The following TTC28 variants were observed in gnomAD, a reference collection of about 807,000 sequenced individuals.
TTC28 encodes tetratricopeptide repeat domain 28.
In TTC28, 61 loss-of-function variants were observed where a neutral mutation model predicts 198.0. The observed-to-expected ratio is 0.31, with a 90% CI of 0.25 to 0.38. The LOEUF (loss-of-function observed/expected upper bound fraction) is 0.38. Among genes scored for constraint, TTC28 ranks in the 10% least tolerant of loss-of-function variants. TTC28 has a pLI of 1.00. For missense variants in TTC28, 2,678 were observed against 3,164.0 expected, an observed-to-expected ratio of 0.85 and a Z score of 3.69; for synonymous variants, 1,171 against 1,297.8, an observed-to-expected ratio of 0.90 and a Z score of 2.10.
intron 12 of TTC28, among the ~76,000 whole-genome samples, chr22:28,037,674 C>T (rs1368875729): frequency 6.6e-6 from 1 of 152,128 alleles, no homozygotes; most frequent in African/African-American, 2.4e-5. Context: ...CCAGGGCAAT[C>T]AGGCAGGAGA....
intron 13 of TTC28, among the ~76,000 whole-genome samples, chr22:28,026,027 G>A (rs563976989): frequency 1.2e-4 from 19 of 152,230 alleles, no homozygotes; most frequent in East Asian, 7.7e-4. Context: ...TTTCTTCCCC[G>A]CACCTTTAGG....
intron 12 of TTC28, among the ~76,000 whole-genome samples, chr22:28,092,291 G>GC (rs1280231455): frequency 6.6e-6 from 1 of 152,108 alleles, no homozygotes; most frequent in Non-Finnish European, 1.5e-5. Context: ...TTCAGAGCTT[G>GC]CCCTCAGTTC....
chr22:28,137,841 C>G (rs930270355), intron 6 of TTC28, among the ~76,000 whole-genome samples: 3 of 151,958 alleles, frequency 2.0e-5, no homozygotes, highest in African/African-American at 7.3e-5. Flanking sequence ...ATGGGGAAAC[C>G]CTGTCTCTAC....
At chr22:28,408,457 C>A (rs947299285) in intron 2 of TTC28, among the ~76,000 whole-genome samples, 3 of 151,900 alleles carry the variant, frequency 2.0e-5, no homozygotes, top group African/African-American at 7.3e-5. Context: ...GTGGCGTGAT[C>A]TTGGCTCACT....
intron 5 of TTC28, among the ~76,000 whole-genome samples, chr22:28,169,236 T>C (rs1287363100): frequency 6.6e-6 from 1 of 152,206 alleles, no homozygotes; most frequent in Non-Finnish European, 1.5e-5. Flanking sequence ...GACTGTAAAC[T>C]AGTTCAACCA....
chr22:28,285,917 C>T (rs2044675984), intron 5 of TTC28, among the ~76,000 whole-genome samples: 1 of 152,072 alleles, frequency 6.6e-6, no homozygotes, highest in African/African-American at 2.4e-5. Flanking sequence ...GGATGAATGG[C>T]ACACCCATAA....
intron 2 of TTC28, among the ~76,000 whole-genome samples, chr22:28,612,006 G>GC (rs1188430521): frequency 6.6e-6 from 1 of 152,040 alleles, no homozygotes; most frequent in East Asian, 1.9e-4. Flanking sequence ...TGGGCTAAAT[G>GC]CCCCATTTAA....
intron 14 of TTC28, among the ~76,000 whole-genome samples, chr22:28,011,858 C>T (rs1183261278): frequency 6.6e-6 from 1 of 152,138 alleles, no homozygotes; most frequent in South Asian, 2.1e-4. Context: ...GGGGCAGAAG[C>T]GGCAGTCACA....
chr22:28,104,809 A>G (rs1298519805), intron 8 of TTC28, among the ~76,000 whole-genome samples: 3 of 152,182 alleles, frequency 2.0e-5, no homozygotes, highest in Non-Finnish European at 4.4e-5. Flanking sequence ...TGACTTCTAT[A>G]AAGTTTTAAT....
intron 2 of TTC28, among the ~76,000 whole-genome samples, chr22:28,333,057 G>A (rs141869670): frequency 1.5e-4 from 23 of 152,198 alleles, no homozygotes; most frequent in Non-Finnish European, 3.2e-4. Flanking sequence ...TTGCCAGGGA[G>A]ACCACAGATC....
At chr22:28,008,655 T>G (rs1292980807) in intron 14 of TTC28, 9 of 151,858 alleles carry the variant, frequency 5.9e-5, no homozygotes, top group Non-Finnish European at 1.0e-4. Flanking sequence ...AATCTGGACC[T>G]TTGAAGAGTA....
chr22:28,197,533 A>G (rs569982025), intron 5 of TTC28, among the ~76,000 whole-genome samples: 8 of 152,188 alleles, frequency 5.3e-5, no homozygotes, highest in Non-Finnish European at 1.0e-4. Context: ...CTTCATCTCT[A>G]AAATGGGGAA....
intron 13 of TTC28, among the ~76,000 whole-genome samples, chr22:28,021,543 G>T (rs913121303): frequency 6.6e-6 from 1 of 152,226 alleles, no homozygotes; most frequent in Admixed American, 6.5e-5. Context: ...GAGCTGCAGG[G>T]GGGGAATTCA....
intron 2 of TTC28, among the ~76,000 whole-genome samples, chr22:28,577,127 T>A (rs2050163524): frequency 6.6e-6 from 1 of 152,082 alleles, no homozygotes; most frequent in Non-Finnish European, 1.5e-5. Context: ...TTTCCTCTTA[T>A]TACTGCTTTT....
chr22:28,670,397 C>A (rs925582833), intron 1 of TTC28, among the ~76,000 whole-genome samples: 3 of 152,090 alleles, frequency 2.0e-5, no homozygotes, highest in Non-Finnish European at 4.4e-5. Flanking sequence ...ATGCATTTGT[C>A]TATGCTTAAC....
chr22:28,013,107 T>C (rs1320078881), intron 14 of TTC28, among the ~76,000 whole-genome samples: 1 of 152,168 alleles, frequency 6.6e-6, no homozygotes, highest in Non-Finnish European at 1.5e-5. Context: ...AGGGAAGGTA[T>C]AGGCATTTTC....
intron 12 of TTC28, among the ~76,000 whole-genome samples, chr22:28,041,982 C>T (rs184102716): frequency 3.6e-4 from 55 of 152,146 alleles, no homozygotes; most frequent in African/African-American, 1.2e-3. Flanking sequence ...TGAAAAAATG[C>T]TCATCATCAC....
At chr22:28,555,065 G>A (rs1275304052) in intron 2 of TTC28, among the ~76,000 whole-genome samples, 4 of 152,122 alleles carry the variant, frequency 2.6e-5, no homozygotes, top group Non-Finnish European at 2.9e-5. Context: ...ATTCTCAAAA[G>A]AAGATATACA....
At chr22:28,527,724 C>G (rs1300955684) in intron 2 of TTC28, among the ~76,000 whole-genome samples, 1 of 152,210 alleles carries the variant, frequency 6.6e-6, no homozygotes, top group Non-Finnish European at 1.5e-5. Context: ...CAGCCTTGAC[C>G]TCCTGGGATC....
Sources: gnomAD v4.1 joint callset for allele counts (sites outside exome capture counted in the v4.1 genomes callset) on GRCh38, gnomAD v4.1.1 for gene constraint, MANE v1.5 for transcripts, NCBI Gene and HGNC (gene_info 2026-07-23, HGNC 2026-07-21) for gene names.